GMPS: variants seen among roughly 807,000 people sequenced by gnomAD.
GMPS encodes guanosine monophosphate synthase, also known as GMP synthase [glutamine-hydrolyzing].
A neutral mutation model predicts 77.9 loss-of-function variants in GMPS; 15 were observed. The observed-to-expected ratio is 0.19, with a 90% CI of 0.13 to 0.30. The LOEUF (loss-of-function observed/expected upper bound fraction) is 0.30. Ranked by LOEUF, GMPS falls within the 10% of genes least tolerant of loss-of-function variation. The pLI, the probability that GMPS is intolerant of heterozygous loss-of-function variation, is 1.00. For synonymous variants in GMPS, 224 were observed against 275.9 expected (o/e 0.81, Z 1.86); for missense variants, 590 against 838.8 (o/e 0.70, Z 3.66).
chr3:155,916,237 G>A, intron 9 of GMPS, 45 bp downstream of exon 9: 1 of 1,222,478 alleles, frequency 8.2e-7, no homozygotes, highest in Non-Finnish European at 1.2e-6. Context: ...TACATGGAAA[G>A]TCTTCCATTC....
At chr3:155,918,442 ACT>A (rs1755238632) in intron 9 of GMPS, among the ~76,000 whole-genome samples, 1 of 152,110 alleles carries the variant, frequency 6.6e-6, no homozygotes, top group Non-Finnish European at 1.5e-5. Context: ...ACAGAGCGAG[ACT>A]CTGTCTTAAA....
intron 9 of GMPS, among the ~76,000 whole-genome samples, chr3:155,918,953 A>G (rs1471235129): frequency 6.6e-6 from 1 of 152,224 alleles, no homozygotes; most frequent in African/African-American, 2.4e-5. Flanking sequence ...TTGTATTCTA[A>G]TGAGAATTAG....
At chr3:155,933,870 G>T (rs1755694410) in intron 13 of GMPS, among the ~76,000 whole-genome samples, 1 of 152,140 alleles carries the variant, frequency 6.6e-6, no homozygotes, top group Admixed American at 6.5e-5. Context: ...TGTTAAAATT[G>T]TCTGATTCTA....
chr3:155,876,176 C>G (rs917562570), intron 1 of GMPS, among the ~76,000 whole-genome samples: 1 of 152,118 alleles, frequency 6.6e-6, no homozygotes, highest in Admixed American at 6.6e-5. Context: ...CCATATTTCC[C>G]AGTGACCCAG....
intron 2 of GMPS, among the ~76,000 whole-genome samples, chr3:155,894,045 A>G (rs933047827): frequency 2.0e-5 from 3 of 152,192 alleles, no homozygotes; most frequent in African/African-American, 7.2e-5. Context: ...CTCCAAAGAG[A>G]AGAAATCTGT....
chr3:155,904,728 C>T (rs2108091892), intron 4 of GMPS, among the ~76,000 whole-genome samples: 1 of 152,338 alleles, frequency 6.6e-6, no homozygotes, highest in Non-Finnish European at 1.5e-5. Flanking sequence ...GGTGTTGACA[C>T]TTACATTCAT....
At chr3:155,931,704 TCAAG>T in intron 12 of GMPS, 57 bp from the exon 13 acceptor site, 1 of 628,702 alleles carries the variant, frequency 1.6e-6, no homozygotes, top group Non-Finnish European at 2.8e-6. Flanking sequence ...AAAAGCTTTG[TCAAG>T]TTAAACTGGT....
At position 155,911,158 on chromosome 3, in the gene GMPS, G is replaced by A. The variant is rs1278016535; in HGVS notation, c.765G>A (p.Leu255=). ...GGVDSTVCTA[L]LNRALNQEQV... ...TAGACTCAACAGTTTGTACAGCTTT[G>A]CTAAATCGTGCTTTGAACCAAGAAC... The change falls in exon 7 of 16, where the codon TTG becomes TTA. Residue 255 remains leucine (L), a synonymous_variant. Transcript: ENST00000496455. The A allele has an allele frequency of 6.2e-7, 1 of 1,612,848 alleles. No homozygotes were observed. Among genetic ancestry groups the A allele is most frequent in the African/African-American group, 1.3e-5 (1 of 74,910 alleles).
Position 155,938,336 on chromosome 3 carries a change from A to G in GMPS, c.*644A>G, listed in dbSNP as rs750545606. 1.8e-5 allele frequency: 4 copies of G among 216,762 alleles called. No homozygotes were observed. Among genetic ancestry groups the G allele is most frequent in the Non-Finnish European group, 3.7e-5 (4 of 107,760 alleles). The allele number at this position is 216,762 out of a possible 1,614,324, so 13.4% of individuals were successfully genotyped here. A position where few individuals can be genotyped will look rare whatever the true frequency, so the allele number is the denominator to read the frequency against. On this transcript the variant is annotated 3_prime_UTR_variant, in exon 16 of 16. Coordinates refer to ENST00000496455, the MANE Select transcript of GMPS (RefSeq NM_003875.3). ...AAACTATGAGTGGTCTCAGATGTCT[A>G]TGAATGGTCTTAAAATGTTTTCAAA... is the stretch of plus-strand genomic sequence containing the variant.
At chr3:155,873,835 C>T (rs554651316) in intron 1 of GMPS, among the ~76,000 whole-genome samples, 49 of 151,322 alleles carry the variant, frequency 3.2e-4, no homozygotes, top group Admixed American at 1.4e-3. Flanking sequence ...CAGGGTTTCA[C>T]TGTGTTAGCC....
chr3:155,940,921 G>T lies in GMPS; in HGVS notation c.*3229G>T, dbSNP rs910595644. ...AAAAACACCCATCAAAGTTTTCCTG[G>T]TAGGAATCTCTCTTTACTGCGTGTT... On this transcript the variant is annotated 3_prime_UTR_variant, in exon 16 of 16. Coordinates refer to ENST00000496455, the MANE Select transcript of GMPS (RefSeq NM_003875.3). 9.4e-6 allele frequency: 2 copies of T among 212,954 alleles called. No individual in the cohort carries two copies. Among genetic ancestry groups the T allele is most frequent in the Non-Finnish European group, 1.9e-5 (2 of 105,334 alleles). The allele number at this position is 212,954 out of a possible 1,614,324, so 13.2% of individuals were successfully genotyped here.
intron 1 of GMPS, among the ~76,000 whole-genome samples, chr3:155,886,986 G>A (rs865828790): frequency 1.3e-5 from 2 of 152,160 alleles, no homozygotes; most frequent in African/African-American, 4.8e-5. Flanking sequence ...AATGATAGTT[G>A]TGTCATTGGA....
intron 3 of GMPS, among the ~76,000 whole-genome samples, chr3:155,903,578 A>G (rs1172107262): frequency 1.3e-5 from 2 of 152,236 alleles, no homozygotes; most frequent in Non-Finnish European, 2.9e-5. Flanking sequence ...TTTTAAGCAG[A>G]TGAATTCATT....
intron 5 of GMPS, among the ~76,000 whole-genome samples, chr3:155,908,346 T>C (rs1754947463): frequency 6.6e-6 from 1 of 152,230 alleles, no homozygotes; most frequent in African/African-American, 2.4e-5. Context: ...GGATTCAATC[T>C]GTGAGATGGG....
Position 155,903,962 on chromosome 3 carries a change from T to C in GMPS, c.422+2T>C, listed in dbSNP as rs951100085. On this transcript the variant is annotated splice_donor_variant, in intron 4 of 15. Transcript: ENST00000496455. LOFTEE classifies it high-confidence loss of function. ...GGATAATACATGTTCATTATTCAGG[T>C]ATTACATTTTTAGATGAATAAGAAC... 2 of 1,199,364 alleles carry C rather than the reference T, an allele frequency of 1.7e-6. No homozygotes were observed. The highest frequency in any genetic ancestry group is 1.2e-6 in the Non-Finnish European group (1 of 844,778). 74.3% of individuals were successfully genotyped at this position (1,199,364 alleles called of 1,614,324 possible). A position where few individuals can be genotyped will look rare whatever the true frequency, so the allele number is the denominator to read the frequency against.
At chr3:155,920,372 G>A (rs1261194629) in intron 10 of GMPS, among the ~76,000 whole-genome samples, 5 of 151,958 alleles carry the variant, frequency 3.3e-5, no homozygotes, top group Non-Finnish European at 7.4e-5. Context: ...AATGGTCTGT[G>A]GACCGGTGTG....
intron 6 of GMPS, 109 bp from the exon 7 acceptor site, chr3:155,911,005 C>T: frequency 9.2e-7 from 1 of 1,092,356 alleles, no homozygotes; most frequent in Non-Finnish European, 1.3e-6. Flanking sequence ...TTCCAGTTAC[C>T]ATACATATCT....
chr3:155,915,046 G>A (rs1032181761), intron 8 of GMPS, among the ~76,000 whole-genome samples: 6 of 152,022 alleles, frequency 3.9e-5, no homozygotes, highest in African/African-American at 1.4e-4. Flanking sequence ...GGGATTACAG[G>A]TGTGAGCCAC....
At chr3:155,870,049 C>T (rs1249990054), upstream of GMPS, among the ~76,000 whole-genome samples, 2 of 152,236 alleles carry the variant, frequency 1.3e-5, no homozygotes, top group Non-Finnish European at 2.9e-5. Flanking sequence ...GATTACCACT[C>T]CCAAACTCCC....
Sources: allele counts gnomAD v4.1 joint callset (sites outside exome capture counted in the v4.1 genomes callset), GRCh38; gene constraint gnomAD v4.1.1; transcripts MANE v1.5; gene names NCBI Gene and HGNC (gene_info 2026-07-23, HGNC 2026-07-21).